The following BRINP3 variants were observed in gnomAD, a reference collection of about 807,000 sequenced individuals.
BRINP3 encodes the protein BMP/retinoic acid-inducible neural-specific protein 3.
A neutral mutation model predicts 71.0 loss-of-function variants in BRINP3; 19 were observed. That is an observed-to-expected ratio of 0.27 (90% CI 0.19 to 0.39). The LOEUF is 0.39. Among genes scored for constraint, BRINP3 ranks in the 10% least tolerant of loss-of-function variants. BRINP3 has a pLI of 1.00. For missense variants in BRINP3, 959 were observed against 940.8 expected, an observed-to-expected ratio of 1.02 and a Z score of -0.25; for synonymous variants, 380 against 337.7, an observed-to-expected ratio of 1.13 and a Z score of -1.37.
chr1:190,139,914 G>C (rs1655291544), intron 7 of BRINP3, among the ~76,000 whole-genome samples: 1 of 152,078 alleles, frequency 6.6e-6, no homozygotes, highest in Non-Finnish European at 1.5e-5. Context: ...TGTCTCTGAG[G>C]GCTTGCTTTC....
intron 4 of BRINP3, among the ~76,000 whole-genome samples, chr1:190,250,945 G>T (rs1660079355): frequency 1.3e-5 from 2 of 151,798 alleles, no homozygotes; most frequent in Non-Finnish European, 2.9e-5. Flanking sequence ...AACTTGGCAT[G>T]GTGGCTTACA....
intron 6 of BRINP3, among the ~76,000 whole-genome samples, chr1:190,224,219 C>T (rs1657131213): frequency 6.6e-6 from 1 of 151,716 alleles, no homozygotes; most frequent in Admixed American, 6.6e-5. Flanking sequence ...CTAGAATCAT[C>T]ACACCACCTG....
At chr1:190,473,540 CTTT>C (rs201424484) in intron 1 of BRINP3, among the ~76,000 whole-genome samples, 11 of 133,044 alleles carry the variant, frequency 8.3e-5, no homozygotes, top group Admixed American at 7.6e-5. Context: ...TAATTTTTCT[CTTT>C]TTTTTTTTTT....
At chr1:190,212,558 G>A (rs942334548) in intron 6 of BRINP3, among the ~76,000 whole-genome samples, 1 of 152,050 alleles carries the variant, frequency 6.6e-6, no homozygotes, top group African/African-American at 2.4e-5. Flanking sequence ...TCAGTTTCTT[G>A]TATCTGAAAA....
At chr1:190,119,791 C>T (rs1037598372) in intron 7 of BRINP3, among the ~76,000 whole-genome samples, 1 of 152,126 alleles carries the variant, frequency 6.6e-6, no homozygotes, top group African/African-American at 2.4e-5. Flanking sequence ...TTGTAAAATC[C>T]TTAAGCTGGG....
chr1:190,173,665 G>A (rs146977962), intron 6 of BRINP3, among the ~76,000 whole-genome samples: 63 of 152,202 alleles, frequency 4.1e-4, no homozygotes, highest in African/African-American at 1.4e-3. Context: ...AAGAGCTTTT[G>A]TTTGTGAAGA....
At chr1:190,110,781 T>C (rs1260865693) in intron 7 of BRINP3, among the ~76,000 whole-genome samples, 1 of 152,126 alleles carries the variant, frequency 6.6e-6, no homozygotes, top group East Asian at 1.9e-4. Context: ...GAAAAAAAAT[T>C]ACAAAAACTG....
intron 2 of BRINP3, among the ~76,000 whole-genome samples, chr1:190,428,273 T>C (rs1673856140): frequency 1.3e-5 from 2 of 152,008 alleles, no homozygotes; most frequent in Non-Finnish European, 2.9e-5. Flanking sequence ...TTTAAGCCAT[T>C]AAGTTTGTAG....
At chr1:190,355,197 A>G (rs895077793) in intron 2 of BRINP3, among the ~76,000 whole-genome samples, 1 of 151,914 alleles carries the variant, frequency 6.6e-6, no homozygotes, top group Non-Finnish European at 1.5e-5. Flanking sequence ...TATGCTAAAT[A>G]TTCCAACACT....
chr1:190,149,190 C>T (rs1166450413), intron 7 of BRINP3, among the ~76,000 whole-genome samples: 1 of 152,180 alleles, frequency 6.6e-6, no homozygotes, highest in Non-Finnish European at 1.5e-5. Flanking sequence ...TTAAACATGA[C>T]AGTTGTCACT....
chr1:190,429,296 A>G (rs1453891582), intron 2 of BRINP3, among the ~76,000 whole-genome samples: 2 of 152,168 alleles, frequency 1.3e-5, no homozygotes, highest in African/African-American at 4.8e-5. Flanking sequence ...AAGAATTTAA[A>G]TGTATAGCAC....
intron 2 of BRINP3, among the ~76,000 whole-genome samples, chr1:190,355,538 T>C (rs1382465205): frequency 6.6e-6 from 1 of 151,930 alleles, no homozygotes; most frequent in Non-Finnish European, 1.5e-5. Flanking sequence ...TATAAACCTG[T>C]TTCCCCGAAA....
In BRINP3 at chr1:190,165,443, G is replaced by GTTTTTTTTTTT. The variant is rs1222291505; in HGVS notation, c.962-4564_962-4554dup. Among the ~76,000 whole-genome samples, 11 of 46,602 alleles carry GTTTTTTTTTTT rather than the reference G, an allele frequency of 2.4e-4. 5 individuals are homozygous for GTTTTTTTTTTT. The highest frequency in any genetic ancestry group is 1.7e-3 in the South Asian group (2 of 1,186). The allele number at this position is 46,602 out of a possible 152,430, so 30.6% of individuals were successfully genotyped here. A position where few individuals can be genotyped will look rare whatever the true frequency, so the allele number is the denominator to read the frequency against. On this transcript the variant is annotated intron_variant, in intron 6 of 7. Coordinates refer to ENST00000367462, the MANE Select transcript of BRINP3 (RefSeq NM_199051.3). ...GCAAGTATGCTCTGTTTCATTGGCTGTTTTTTTTTTTTTTTTTTGTGTGTG... is the reference window on the plus strand; with the variant it reads ...GCAAGTATGCTCTGTTTCATTGGCTGTTTTTTTTTTTTTTTTTTTTTTTTTTTTTGTGTGTG...
At chr1:190,307,046 A>G (rs1337815128) in intron 2 of BRINP3, among the ~76,000 whole-genome samples, 1 of 151,840 alleles carries the variant, frequency 6.6e-6, no homozygotes, top group African/African-American at 2.4e-5. Flanking sequence ...TTGAGTGTCT[A>G]CTGAGTGCAA....
At chr1:190,170,048 T>A (rs1298074784) in intron 6 of BRINP3, among the ~76,000 whole-genome samples, 1 of 152,112 alleles carries the variant, frequency 6.6e-6, no homozygotes, top group Admixed American at 6.6e-5. Flanking sequence ...CCTGCCTTAA[T>A]AAATATAAAT....
intron 2 of BRINP3, among the ~76,000 whole-genome samples, chr1:190,330,055 C>T (rs912344623): frequency 4.1e-4 from 63 of 151,912 alleles, no homozygotes; most frequent in African/African-American, 1.4e-3. Context: ...TAGGAAATAT[C>T]ATTCTGGTCA....
At chr1:190,158,966 C>T (rs958050419) in intron 7 of BRINP3, among the ~76,000 whole-genome samples, 1 of 151,910 alleles carries the variant, frequency 6.6e-6, no homozygotes, top group Non-Finnish European at 1.5e-5. Flanking sequence ...TATCATACAA[C>T]TGATAGGGAA....
intron 5 of BRINP3, among the ~76,000 whole-genome samples, chr1:190,228,391 AAACC>A (rs1430570134): frequency 2.0e-5 from 3 of 151,988 alleles, no homozygotes; most frequent in Non-Finnish European, 4.4e-5. Context: ...ACACACAAAA[AAACC>A]AAAGAACTCG....
chr1:190,347,224 T>A (rs753946270), intron 2 of BRINP3, among the ~76,000 whole-genome samples: 8 of 152,142 alleles, frequency 5.3e-5, no homozygotes, highest in Non-Finnish European at 8.8e-5. Context: ...CACTACAACC[T>A]CTGCCTCCCA....
Sources: gnomAD v4.1 joint callset for allele counts (sites outside exome capture counted in the v4.1 genomes callset) on GRCh38, gnomAD v4.1.1 for gene constraint, MANE v1.5 for transcripts, NCBI Gene and HGNC (gene_info 2026-07-23, HGNC 2026-07-21) for gene names.